The following MED15 variants were observed in gnomAD, a reference collection of about 807,000 sequenced individuals.
MED15 encodes the protein mediator complex subunit 15, also known as mediator of RNA polymerase II transcription subunit 15.
MED15 carries 41 observed loss-of-function variants against 118.7 expected under a neutral mutation model. The observed-to-expected ratio is 0.35, with a 90% CI of 0.27 to 0.45. The LOEUF (loss-of-function observed/expected upper bound fraction) is 0.45. Ranked by LOEUF, MED15 falls within the 20% of genes least tolerant of loss-of-function variation. The pLI, the probability that MED15 is intolerant of heterozygous loss-of-function variation, is 1.00. For synonymous variants in MED15, 436 were observed against 413.9 expected (o/e 1.05, Z -0.65); for missense variants, 740 against 1,025.5 (o/e 0.72, Z 3.80).
At chr22:20,531,003 A>G (rs2054839214) in intron 1 of MED15, among the ~76,000 whole-genome samples, 1 of 152,130 alleles carries the variant, frequency 6.6e-6, no homozygotes, top group Non-Finnish European at 1.5e-5. Context: ...CCAGTGCCTT[A>G]TAATATTAAC....
At chr22:20,582,452 G>A (rs1329682887) in intron 9 of MED15, 159 bp from the exon 10 acceptor site, 1 of 1,169,702 alleles carries the variant, frequency 8.5e-7, no homozygotes, top group Admixed American at 2.2e-5. Flanking sequence ...CAGGCTGGGG[G>A]AGTGTGCCTG....
intron 2 of MED15, among the ~76,000 whole-genome samples, chr22:20,547,870 A>G (rs2055613198): frequency 6.6e-6 from 1 of 152,116 alleles, no homozygotes; most frequent in Non-Finnish European, 1.5e-5. Context: ...ATGGTACTGC[A>G]TGCATGTAGT....
intron 6 of MED15, among the ~76,000 whole-genome samples, chr22:20,565,740 AG>A (rs1434079157): frequency 6.6e-6 from 1 of 152,214 alleles, no homozygotes; most frequent in East Asian, 1.9e-4. Flanking sequence ...ACTGACCTAT[AG>A]GGGCAAAGCA....
At chr22:20,546,578 G>C (rs1200936581) in intron 2 of MED15, among the ~76,000 whole-genome samples, 1 of 132,044 alleles carries the variant, frequency 7.6e-6, no homozygotes, top group Non-Finnish European at 1.5e-5. Flanking sequence ...TTGAAACCCT[G>C]TGTGTTCAGG....
At chr22:20,508,225 G>C (rs937766889) in intron 1 of MED15, 50 of 1,247,560 alleles carry the variant, frequency 4.0e-5, no homozygotes, top group Non-Finnish European at 5.1e-5. Flanking sequence ...GCGGTGGGAC[G>C]GAGGATCTGA....
At chr22:20,537,085 G>C in intron 1 of MED15, 32 bp from the exon 2 acceptor site, 1 of 1,603,190 alleles carries the variant, frequency 6.2e-7, no homozygotes, top group Non-Finnish European at 8.5e-7. Flanking sequence ...TCACTGGTGT[G>C]TGCAAACGTC....
intron 5 of MED15, among the ~76,000 whole-genome samples, chr22:20,562,499 C>T (rs1190884199): frequency 6.6e-6 from 1 of 152,084 alleles, no homozygotes; most frequent in East Asian, 1.9e-4. Context: ...ATTCTCCTGC[C>T]TCAGCCTCCT....
intron 2 of MED15, among the ~76,000 whole-genome samples, chr22:20,544,997 T>C (rs1229840050): frequency 1.3e-5 from 2 of 152,204 alleles, no homozygotes; most frequent in African/African-American, 2.4e-5. Context: ...AGGATAGCCC[T>C]CCATCTCAAG....
At chr22:20,524,084 TC>T (rs2054550732) in intron 1 of MED15, among the ~76,000 whole-genome samples, 1 of 152,236 alleles carries the variant, frequency 6.6e-6, no homozygotes, top group Non-Finnish European at 1.5e-5. Flanking sequence ...CTTTTATGTT[TC>T]TTTAAAAAGT....
At chr22:20,535,466 T>C (rs950202363) in intron 1 of MED15, among the ~76,000 whole-genome samples, 98 of 152,186 alleles carry the variant, frequency 6.4e-4, no homozygotes, top group African/African-American at 2.3e-3. Context: ...CAGAATGCTT[T>C]CTAGCACGAG....
intron 2 of MED15, among the ~76,000 whole-genome samples, chr22:20,541,380 G>C (rs2055304032): frequency 6.6e-6 from 1 of 152,174 alleles, no homozygotes; most frequent in African/African-American, 2.4e-5. Flanking sequence ...TAGTCATTAG[G>C]GGATTGCAAA....
chr22:20,562,697 A>T (rs1475596462), intron 5 of MED15, among the ~76,000 whole-genome samples: 1 of 152,136 alleles, frequency 6.6e-6, no homozygotes, highest in Non-Finnish European at 1.5e-5. Context: ...TACATGTTTT[A>T]TGAATGTCAA....
At chr22:20,575,382 TTA>T in intron 9 of MED15, 150 bp downstream of exon 9, 10 of 1,005,868 alleles carry the variant, frequency 9.9e-6, no homozygotes, top group Admixed American at 3.1e-5. Context: ...TTTTTTTTTT[TTA>T]AATGAAGCCA....
rs866927830 is a variant in MED15 at position 20,523,852 on chromosome 22, G to A, written c.69-13265G>A. On this transcript the variant is annotated intron_variant, in intron 1 of 17. Transcript: ENST00000263205. Reference sequence around the variant, plus strand: ...AGTTTGAAGGGCAGCAGCCTTTTCTGCAGGTTAGTTCTTTCAATGATCTTG... The same window carrying A: ...AGTTTGAAGGGCAGCAGCCTTTTCTACAGGTTAGTTCTTTCAATGATCTTG... 1.4e-5 allele frequency: 14 copies of A among 985,006 alleles called. No homozygotes were observed. In the Middle Eastern group the frequency reaches 1.5e-3, roughly 109 times the overall value. The allele number at this position is 985,006 out of a possible 1,614,324, so 61.0% of individuals were successfully genotyped here. A position where few individuals can be genotyped will look rare whatever the true frequency, so the allele number is the denominator to read the frequency against.
intron 1 of MED15, 134 bp downstream of exon 1, chr22:20,507,880 A>G (rs1178564111): frequency 6.7e-7 from 1 of 1,495,776 alleles, no homozygotes; most frequent in African/African-American, 1.4e-5. Flanking sequence ...CGTGGGTCCC[A>G]GGGCTCGGGC....
intron 2 of MED15, among the ~76,000 whole-genome samples, chr22:20,546,505 TTTTTTG>T (rs1334781052): frequency 2.7e-5 from 4 of 148,854 alleles, no homozygotes; most frequent in African/African-American, 9.9e-5. Context: ...ACATGGAGTT[TTTTTTG>T]TTTTTTTTTT....
At position 20,508,305 on chromosome 22, in the gene MED15, C is replaced by T. The variant is rs770502385; in HGVS notation, c.68+559C>T. The T allele has an allele frequency of 6.9e-6, 9 of 1,302,970 alleles. No homozygotes were observed. In the South Asian group the frequency reaches 9.9e-5, roughly 14 times the overall value. The allele number at this position is 1,302,970 out of a possible 1,614,324, so 80.7% of individuals were successfully genotyped here. On this transcript the variant is annotated intron_variant, in intron 1 of 17. Coordinates refer to ENST00000263205, the MANE Select transcript of MED15 (RefSeq NM_001003891.3). ...GAAGCCGCTGTCAGGAAGCGATCGT[C>T]GTTTCTGGAGGAGAGCGTGAAGAGC...
chr22:20,519,315 A>AT (rs1361667273), intron 1 of MED15, among the ~76,000 whole-genome samples: 2 of 152,150 alleles, frequency 1.3e-5, no homozygotes, highest in East Asian at 3.8e-4. Flanking sequence ...AGGGCTGTTA[A>AT]TAGAGGCCCT....
chr22:20,583,652 G>T (rs1294797250), intron 13 of MED15: 4 of 488,126 alleles, frequency 8.2e-6, no homozygotes, highest in African/African-American at 1.9e-5. Flanking sequence ...ACCTCATCCA[G>T]TCAGCAGCCA....
Sources: gnomAD v4.1 joint callset for allele counts (sites outside exome capture counted in the v4.1 genomes callset) on GRCh38, gnomAD v4.1.1 for gene constraint, MANE v1.5 for transcripts, NCBI Gene and HGNC (gene_info 2026-07-23, HGNC 2026-07-21) for gene names.